Variants in PHYH observed in about 807,000 individuals in gnomAD.
The protein encoded by PHYH is phytanoyl-CoA dioxygenase, peroxisomal.
PHYH carries 32 observed loss-of-function variants against 38.5 expected under a neutral mutation model. The observed-to-expected ratio is 0.83, with a 90% CI of 0.63 to 1.12. The LOEUF (loss-of-function observed/expected upper bound fraction) is 1.12. PHYH is among the 50% of genes most tolerant of loss of function. The pLI, the probability that PHYH is intolerant of heterozygous loss-of-function variation, is 0.00. For synonymous variants in PHYH, 166 were observed against 157.9 expected, an observed-to-expected ratio of 1.05 and a Z score of -0.38; for missense variants, 426 against 434.8, an observed-to-expected ratio of 0.98 and a Z score of 0.18.
chr10:13,288,397 T>TTG lies in PHYH; in HGVS notation c.639_640dup (p.Lys214ThrfsTer5). 6.2e-7 allele frequency: 1 copy of TTG among 1,614,116 alleles called. No homozygotes were observed. Among genetic ancestry groups the TTG allele is most frequent in the Non-Finnish European group, 8.5e-7 (1 of 1,180,038 alleles). ...GTAATCGTGGGGCTTCAGGGAGCCC[T>TTG]TGTGTGTGCCTGGGAGCACAACCAG... On this transcript the variant is annotated frameshift_variant, in exon 6 of 9. Transcript: ENST00000263038. LOFTEE classifies it high-confidence loss of function.
intron 5 of PHYH, among the ~76,000 whole-genome samples, chr10:13,291,247 G>A (rs1379533791): frequency 6.6e-6 from 1 of 152,008 alleles, no homozygotes; most frequent in African/African-American, 2.4e-5. Flanking sequence ...ATCAAGCTTA[G>A]AGACGTCGAA....
intron 6 of PHYH, among the ~76,000 whole-genome samples, chr10:13,287,381 C>T (rs987572621): frequency 6.6e-6 from 1 of 152,010 alleles, no homozygotes; most frequent in African/African-American, 2.4e-5. Context: ...AAAGGGTCTT[C>T]GATCTTCCTA....
intron 2 of PHYH, among the ~76,000 whole-genome samples, chr10:13,297,509 A>AG (rs1215525851): frequency 5.3e-5 from 8 of 152,146 alleles, no homozygotes; most frequent in Admixed American, 3.9e-4. Flanking sequence ...GCTGGAGTTC[A>AG]GTGGCGTGAT....
chr10:13,288,324 G>T (rs1835605419), intron 6 of PHYH, 36 bp downstream of exon 6: 13 of 1,592,586 alleles, frequency 8.2e-6, no homozygotes, highest in South Asian at 1.1e-5. Context: ...CTGCGAAGGA[G>T]ATTCGGATCA....
chr10:13,279,954 G>T (rs1323744875), intron 8 of PHYH, among the ~76,000 whole-genome samples: 2 of 152,158 alleles, frequency 1.3e-5, no homozygotes, highest in African/African-American at 4.8e-5. Context: ...AGGTTCTAAA[G>T]GGAGAAGCAA....
chr10:13,294,739 T>A (rs1283731508), intron 3 of PHYH, 143 bp from the exon 4 acceptor site: 1 of 698,510 alleles, frequency 1.4e-6, no homozygotes, highest in Non-Finnish European at 2.6e-6. Context: ...ATAATTCCAA[T>A]GAAAGGGAGG....
At position 13,281,159 on chromosome 10, in the gene PHYH, C is replaced by G. The variant is rs370291115; in HGVS notation, c.829-49G>C. ...ATTGGAGAAAAACATCCCATGAATA[C>G]CAGTGACCAAGCAGGGAGTCTTTCT... On this transcript the variant is annotated intron_variant, in intron 7 of 8. Coordinates refer to ENST00000263038, the MANE Select transcript of PHYH (RefSeq NM_006214.4). 50 of 1,587,474 alleles carry G rather than the reference C, an allele frequency of 3.1e-5. No individual in the cohort carries two copies. The African/African-American group carries it at 5.1e-4, about 16-fold the overall frequency.
Position 13,299,949 on chromosome 10 carries a change from C to A in PHYH, c.75+19G>T. 1 of 1,515,456 alleles carries A rather than the reference C, an allele frequency of 6.6e-7. No homozygotes were observed. The highest frequency in any genetic ancestry group is 8.8e-7 in the Non-Finnish European group (1 of 1,137,778). 93.9% of individuals were successfully genotyped at this position (1,515,456 alleles called of 1,614,324 possible). On this transcript the variant is annotated intron_variant, in intron 1 of 8. Transcript: ENST00000263038. ...CCGGCGCCGGATCCAGCCCGAGCCC[C>A]GCGCAGCCCAAAGGATACGACAGCC... is the stretch of plus-strand genomic sequence containing the variant.
At chr10:13,297,318 C>T (rs183343775) in intron 2 of PHYH, among the ~76,000 whole-genome samples, 1 of 152,290 alleles carries the variant, frequency 6.6e-6, no homozygotes, top group Non-Finnish European at 1.5e-5. Flanking sequence ...ATCACCCAAC[C>T]TATTCCTTAA....
intron 5 of PHYH, among the ~76,000 whole-genome samples, chr10:13,289,888 A>T (rs1396924686): frequency 6.7e-6 from 1 of 149,988 alleles, no homozygotes; most frequent in East Asian, 2.0e-4. Context: ...GCAGTGAGTC[A>T]AGATCGCACC....
Position 13,278,246 on chromosome 10 carries a change from A to C in PHYH, c.*55T>G. On this transcript the variant is annotated 3_prime_UTR_variant, in exon 9 of 9. Transcript: ENST00000263038. ...ATCTCATTAAGAAAACATTTTCCTT[A>C]GACATTTCGTTTGGTTTTGGTTTTC... 1 of 1,158,374 alleles carries C rather than the reference A, an allele frequency of 8.6e-7. No homozygotes were observed. The highest frequency in any genetic ancestry group is 1.3e-6 in the Non-Finnish European group (1 of 764,378). The allele number at this position is 1,158,374 out of a possible 1,614,324, so 71.8% of individuals were successfully genotyped here. A position where few individuals can be genotyped will look rare whatever the true frequency, so the allele number is the denominator to read the frequency against.
At chr10:13,296,329 C>CT (rs1440082647) in intron 2 of PHYH, among the ~76,000 whole-genome samples, 1 of 151,562 alleles carries the variant, frequency 6.6e-6, no homozygotes, top group South Asian at 2.1e-4. Context: ...GTAATCCCAG[C>CT]TTTTTGGGAG....
rs535879113 is a variant in PHYH, at chr10:13,279,354, T to C, written c.964-1000A>G. On this transcript the variant is annotated intron_variant, in intron 8 of 8. Transcript: ENST00000263038. The stretch of plus-strand genomic sequence containing the variant: ...TTTGAGTGTTCTACTCTTGATGAGA[T>C]GATAATAGTGAACATGGTATCAAGG... Among the ~76,000 whole-genome samples the C allele has an allele frequency of 7.2e-5, 11 of 152,328 alleles. No homozygotes were observed. In the South Asian group the frequency reaches 2.1e-3, roughly 29 times the overall value.
rs1588504279 is a variant in PHYH, at chr10:13,278,095, A to C, written c.*206T>G. ...TAAATTAGTTTTCCTTAAAACAGTA[A>C]TATTTCACTTTTACTGTTTTTTTTT... is the stretch of plus-strand genomic sequence containing the variant. On this transcript the variant is annotated 3_prime_UTR_variant, in exon 9 of 9. Coordinates refer to ENST00000263038, the MANE Select transcript of PHYH (RefSeq NM_006214.4). 3.7e-6 allele frequency: 2 copies of C among 546,038 alleles called. No homozygotes were observed. Among genetic ancestry groups the C allele is most frequent in the Non-Finnish European group, 6.5e-6 (2 of 309,794 alleles). The allele number at this position is 546,038 out of a possible 1,614,324, so 33.8% of individuals were successfully genotyped here. A position where few individuals can be genotyped will look rare whatever the true frequency, so the allele number is the denominator to read the frequency against.
At chr10:13,296,472 G>C (rs1344498949) in intron 2 of PHYH, among the ~76,000 whole-genome samples, 1 of 148,802 alleles carries the variant, frequency 6.7e-6, no homozygotes, top group Non-Finnish European at 1.5e-5. Flanking sequence ...TGAGGCAGGA[G>C]AATCGCTAGA....
chr10:13,280,031 T>G (rs1280847525), intron 8 of PHYH, among the ~76,000 whole-genome samples: 1 of 151,008 alleles, frequency 6.6e-6, no homozygotes, highest in African/African-American at 2.4e-5. Flanking sequence ...TGCAGTGGCA[T>G]GATCTCGGCT....
intron 3 of PHYH, 135 bp from the exon 4 acceptor site, chr10:13,294,731 A>G: frequency 2.8e-6 from 2 of 714,076 alleles, no homozygotes; most frequent in South Asian, 3.0e-5. Flanking sequence ...GAGGTAGAAT[A>G]ATTCCAATGA....
chr10:13,295,693 T>C (rs1334049415), intron 2 of PHYH, 87 bp from the exon 3 acceptor site: 15 of 727,930 alleles, frequency 2.1e-5, no homozygotes, highest in Non-Finnish European at 1.5e-5. Context: ...ACTAGCACTT[T>C]AGCGGGCCGA....
chr10:13,295,970 C>T (rs374704239), intron 2 of PHYH, among the ~76,000 whole-genome samples: 5 of 151,990 alleles, frequency 3.3e-5, no homozygotes, highest in African/African-American at 7.3e-5. Flanking sequence ...GAGTCTGAGA[C>T]GAACCTGACC....
Sources: gnomAD v4.1 joint callset for allele counts (sites outside exome capture counted in the v4.1 genomes callset) on GRCh38, gnomAD v4.1.1 for gene constraint, MANE v1.5 for transcripts, NCBI Gene and HGNC (gene_info 2026-07-23, HGNC 2026-07-21) for gene names.